SLC4A10: variants seen among roughly 807,000 people sequenced by gnomAD.
SLC4A10 encodes the protein solute carrier family 4 member 10.
Under a neutral mutation model 137.7 loss-of-function variants are expected in SLC4A10, and 42 were observed. That is an observed-to-expected ratio of 0.30 (90% CI 0.24 to 0.39). SLC4A10 has a LOEUF of 0.39. Ranked by LOEUF, SLC4A10 falls within the 10% of genes least tolerant of loss-of-function variation. The probability of loss-of-function intolerance (pLI) is 1.00; values close to 1 mark genes in which losing one functional copy is unlikely to be tolerated. For synonymous variants in SLC4A10, 474 were observed against 464.1 expected (o/e 1.02, Z -0.27); for missense variants, 925 against 1,355.0 (o/e 0.68, Z 4.98).
intron 2 of SLC4A10, among the ~76,000 whole-genome samples, chr2:161,803,709 T>C (rs2055614372): frequency 1.3e-5 from 2 of 152,130 alleles, no homozygotes; most frequent in Admixed American, 1.3e-4. Flanking sequence ...CATTTCCTTT[T>C]CCAGTAGTCC....
intron 1 of SLC4A10, among the ~76,000 whole-genome samples, chr2:161,741,997 G>A (rs902646801): frequency 2.0e-5 from 3 of 151,976 alleles, no homozygotes; most frequent in Non-Finnish European, 4.4e-5. Context: ...CCAGCCTCTG[G>A]TAGCTATCAT....
At chr2:161,840,056 C>A in intron 4 of SLC4A10, 129 bp downstream of exon 4, 1 of 1,089,286 alleles carries the variant, frequency 9.2e-7, no homozygotes, top group Non-Finnish European at 1.3e-6. Context: ...CTCATCTAGC[C>A]TGAGCATATC....
At chr2:161,917,969 G>A (rs1687430531) in intron 15 of SLC4A10, among the ~76,000 whole-genome samples, 1 of 152,176 alleles carries the variant, frequency 6.6e-6, no homozygotes, top group Non-Finnish European at 1.5e-5. Flanking sequence ...CCAAGTGAAA[G>A]AGCTAAGGTA....
At chr2:161,660,861 C>T (rs2038291869) in intron 1 of SLC4A10, among the ~76,000 whole-genome samples, 1 of 151,016 alleles carries the variant, frequency 6.6e-6, no homozygotes, top group Non-Finnish European at 1.5e-5. Context: ...CGGGTTTCAC[C>T]ATGTTAGCCA....
chr2:161,884,113 C>T (rs1553607361), intron 10 of SLC4A10, among the ~76,000 whole-genome samples: 1 of 152,092 alleles, frequency 6.6e-6, no homozygotes, highest in Non-Finnish European at 1.5e-5. Flanking sequence ...AGAACTCTCT[C>T]TGAGAAAACA....
chr2:161,747,643 TCCC>T (rs1302119975), intron 1 of SLC4A10, among the ~76,000 whole-genome samples: 1 of 152,266 alleles, frequency 6.6e-6, no homozygotes, highest in Non-Finnish European at 1.5e-5. Flanking sequence ...CACCTCTGTC[TCCC>T]CCACCTTTTT....
chr2:161,945,494 G>A (rs2105783875), intron 16 of SLC4A10, among the ~76,000 whole-genome samples: 1 of 151,502 alleles, frequency 6.6e-6, no homozygotes, highest in South Asian at 2.1e-4. Context: ...CATTTTTTGA[G>A]TACCCATTGT....
At chr2:161,626,124 A>G (rs559494836) in intron 1 of SLC4A10, among the ~76,000 whole-genome samples, 5 of 152,182 alleles carry the variant, frequency 3.3e-5, no homozygotes, top group African/African-American at 1.2e-4. Flanking sequence ...ATACACAGGA[A>G]TCGTGGTATG....
At chr2:161,900,326 G>T (rs1682776668) in intron 11 of SLC4A10, among the ~76,000 whole-genome samples, 4 of 151,816 alleles carry the variant, frequency 2.6e-5, no homozygotes, top group African/African-American at 7.3e-5. Context: ...CTATTTACTG[G>T]GTAGAAAAAC....
chr2:161,927,201 G>A (rs1163019781), intron 15 of SLC4A10, among the ~76,000 whole-genome samples: 10 of 152,098 alleles, frequency 6.6e-5, no homozygotes, highest in Middle Eastern at 3.2e-3. Context: ...TACACCAATC[G>A]GACGTAGATT....
chr2:161,872,270 T>A (rs781339581), intron 6 of SLC4A10, 23 bp from the exon 7 acceptor site: 3 of 1,579,864 alleles, frequency 1.9e-6, no homozygotes, highest in African/African-American at 2.7e-5. Context: ...TTGTTTGTAT[T>A]CTGTCACAAC....
At chr2:161,665,260 T>C (rs1041032223) in intron 1 of SLC4A10, among the ~76,000 whole-genome samples, 2 of 151,770 alleles carry the variant, frequency 1.3e-5, no homozygotes, top group Non-Finnish European at 3.0e-5. Context: ...GTTCCTTGCG[T>C]TTTCAAGATC....
At chr2:161,832,892 C>T (rs2058525222) in intron 3 of SLC4A10, among the ~76,000 whole-genome samples, 1 of 152,172 alleles carries the variant, frequency 6.6e-6, no homozygotes, top group Admixed American at 6.5e-5. Context: ...AGGCGCCTGC[C>T]ACCACGCCTG....
chr2:161,817,817 C>G (rs2125673553), intron 3 of SLC4A10, among the ~76,000 whole-genome samples: 1 of 152,080 alleles, frequency 6.6e-6, no homozygotes, highest in South Asian at 2.1e-4. Context: ...TCTGAGGGCT[C>G]TGTTCTGTTC....
At chr2:161,719,517 A>G (rs1202447556) in intron 1 of SLC4A10, among the ~76,000 whole-genome samples, 1 of 152,138 alleles carries the variant, frequency 6.6e-6, no homozygotes, top group East Asian at 1.9e-4. Flanking sequence ...CAGTCCCACC[A>G]ACAGTGTAAA....
intron 11 of SLC4A10, among the ~76,000 whole-genome samples, chr2:161,897,259 G>A (rs2063599139): frequency 6.6e-6 from 1 of 152,066 alleles, no homozygotes; most frequent in South Asian, 2.1e-4. Flanking sequence ...TATTAAGAGT[G>A]ATGACCAAAT....
At chr2:161,879,763 A>G (rs185988261) in intron 9 of SLC4A10, among the ~76,000 whole-genome samples, 1 of 152,042 alleles carries the variant, frequency 6.6e-6, no homozygotes. Flanking sequence ...AGCGTCAAAT[A>G]TATGTTTCAA....
rs542384623 is a variant in SLC4A10, at chr2:161,933,898, C to A, written c.1998-8894C>A. On this transcript the variant is annotated intron_variant, in intron 15 of 26. Transcript: ENST00000446997. ...GTCTATTAATTTTTTGAAGAAACTC[C>A]GTACTGTTTTCCATATGGCTGTACT... Among the ~76,000 whole-genome samples the A allele has an allele frequency of 2.0e-3, 303 of 152,158 alleles. 1 individual carries two copies. Among genetic ancestry groups the A allele is most frequent in the African/African-American group, 6.7e-3 (278 of 41,516 alleles).
At chr2:161,821,898 A>T (rs2057654811) in intron 3 of SLC4A10, among the ~76,000 whole-genome samples, 1 of 152,194 alleles carries the variant, frequency 6.6e-6, no homozygotes, top group Non-Finnish European at 1.5e-5. Flanking sequence ...TGAAGGCCTG[A>T]TACAGGGAAC....
Sources: allele counts gnomAD v4.1 joint callset (sites outside exome capture counted in the v4.1 genomes callset), GRCh38; gene constraint gnomAD v4.1.1; transcripts MANE v1.5; gene names NCBI Gene and HGNC (gene_info 2026-07-23, HGNC 2026-07-21).